Variants in DNMT1 observed in about 807,000 individuals in gnomAD.
The protein encoded by DNMT1 is DNA methyltransferase 1, also known as DNA (cytosine-5)-methyltransferase 1.
Under a neutral mutation model 205.3 loss-of-function variants are expected in DNMT1, and 24 were observed. That is an observed-to-expected ratio of 0.12 (90% CI 0.08 to 0.16). The LOEUF (loss-of-function observed/expected upper bound fraction) is 0.16, where lower values mean the gene tolerates loss of function less well. Among genes scored for constraint, DNMT1 ranks in the 10% least tolerant of loss-of-function variants. The probability of loss-of-function intolerance (pLI) is 1.00; values close to 1 mark genes in which losing one functional copy is unlikely to be tolerated. For missense variants in DNMT1, 1,293 were observed against 2,177.7 expected, an observed-to-expected ratio of 0.59 and a Z score of 8.09; for synonymous variants, 817 against 839.8, an observed-to-expected ratio of 0.97 and a Z score of 0.47.
intron 28 of DNMT1, among the ~76,000 whole-genome samples, chr19:10,145,162 T>C (rs1599353708): frequency 6.6e-6 from 1 of 152,352 alleles, no homozygotes; most frequent in South Asian, 2.1e-4. Context: ...GGAAAAGCTG[T>C]TCTTTGAAGA....
At chr19:10,160,181 C>T (rs1043133188) in intron 14 of DNMT1, 118 bp from the exon 15 acceptor site, 2 of 1,572,434 alleles carry the variant, frequency 1.3e-6, no homozygotes, top group South Asian at 2.2e-5. Flanking sequence ...CCGGCTGTGG[C>T]AGTGAGGCCC....
intron 1 of DNMT1, among the ~76,000 whole-genome samples, chr19:10,193,024 G>A (rs1351513608): frequency 2.0e-5 from 3 of 152,106 alleles, no homozygotes; most frequent in Admixed American, 2.0e-4. Context: ...TCCAGCCTGG[G>A]TGAAAGAATG....
intron 13 of DNMT1, among the ~76,000 whole-genome samples, chr19:10,162,207 C>T (rs922114215): frequency 1.9e-4 from 28 of 151,142 alleles, no homozygotes; most frequent in Non-Finnish European, 3.7e-4. Context: ...GGCACGATCT[C>T]AGCTCACAGC....
chr19:10,173,146 G>A lies in DNMT1; in HGVS notation c.712C>T (p.Pro238Ser), dbSNP rs762056108. 5 of 1,614,058 alleles carry A rather than the reference G, an allele frequency of 3.1e-6. No homozygotes were observed. The highest frequency in any genetic ancestry group is 1.3e-5 in the African/African-American group (1 of 74,972). ...RVARPLPAEE[P>S]ERAKSGTRTE... ...CGCGTTCCTGATTTTGCTCTTTCAGGTTCTTCTGCAGGAAGCGGTCTAGCA... is the reference window on the plus strand; with the variant it reads ...CGCGTTCCTGATTTTGCTCTTTCAGATTCTTCTGCAGGAAGCGGTCTAGCA... The change falls in exon 9 of 41, where the codon CCT becomes TCT. Residue 238 changes from proline (P) to serine (S), a missense_variant. By Grantham distance (74) the Pro-to-Ser change is moderately conservative (BLOSUM62 -1). Transcript: ENST00000359526.
At chr19:10,185,844 A>G (rs1298423770) in intron 1 of DNMT1, among the ~76,000 whole-genome samples, 3 of 107,122 alleles carry the variant, frequency 2.8e-5, no homozygotes, top group Non-Finnish European at 5.4e-5. Flanking sequence ...GTCTCAAAAG[A>G]AAAAAAAAAA....
At position 10,143,921 on chromosome 19, in the gene DNMT1, C is replaced by T. The variant is rs1338589250; in HGVS notation, c.2961G>A (p.Glu987=). 3 of 1,614,154 alleles carry T rather than the reference C, an allele frequency of 1.9e-6. No individual in the cohort carries two copies. Among genetic ancestry groups the T allele is most frequent in the Non-Finnish European group, 1.7e-6 (2 of 1,180,034 alleles). Residue 987 remains glutamate, a synonymous_variant, in exon 29 of 41, where the codon GAG becomes GAA. Coordinates refer to ENST00000359526, the MANE Select transcript of DNMT1 (RefSeq NM_001130823.3). ...TGTAGTCGGAGTATTTCCGGTAGTGCTCTGGGTACAGGTCCTCATCCACGG... is the reference window on the plus strand; with the variant it reads ...TGTAGTCGGAGTATTTCCGGTAGTGTTCTGGGTACAGGTCCTCATCCACGG... ...KEPVDEDLYP[E]HYRKYSDYIK...
intron 1 of DNMT1, chr19:10,184,702 A>G (rs2039143919): frequency 6.6e-6 from 1 of 152,304 alleles, no homozygotes; most frequent in Non-Finnish European, 1.5e-5. Flanking sequence ...GGAGAGGAAC[A>G]CAGGCTGTTG....
chr19:10,168,311 G>T lies in DNMT1; in HGVS notation c.803+19C>A, dbSNP rs757114141. On this transcript the variant is annotated intron_variant, in intron 10 of 40. Coordinates refer to ENST00000359526, the MANE Select transcript of DNMT1 (RefSeq NM_001130823.3). The stretch of plus-strand genomic sequence containing the variant: ...TTCAGTTTCACAACAAAGCACAAAG[G>T]CAGGTTCGCTGCACTTACGGTTCTT... 1 of 1,613,942 alleles carries T rather than the reference G, an allele frequency of 6.2e-7. No homozygotes were observed. Among genetic ancestry groups the T allele is most frequent in the Non-Finnish European group, 8.5e-7 (1 of 1,179,930 alleles).
chr19:10,165,956 C>G (rs974676500), intron 11 of DNMT1, among the ~76,000 whole-genome samples: 5 of 152,134 alleles, frequency 3.3e-5, no homozygotes, highest in African/African-American at 1.2e-4. Flanking sequence ...AGCCCGTGAC[C>G]TTGGGCTCCA....
At chr19:10,165,362 C>T (rs947170134) in intron 11 of DNMT1, among the ~76,000 whole-genome samples, 3 of 152,132 alleles carry the variant, frequency 2.0e-5, no homozygotes, top group African/African-American at 7.2e-5. Context: ...AGCCAACAAT[C>T]CTTGTTCTCT....
intron 38 of DNMT1, 90 bp downstream of exon 38, chr19:10,136,031 C>T: frequency 5.7e-6 from 9 of 1,577,836 alleles, no homozygotes; most frequent in Non-Finnish European, 7.8e-6. Flanking sequence ...GGGGTGCTGT[C>T]CCCCACTTGG....
chr19:10,158,316 C>T lies in DNMT1; in HGVS notation c.1280+1342G>A, dbSNP rs986109941. Among the ~76,000 whole-genome samples, 5 of 152,290 alleles carry T rather than the reference C, an allele frequency of 3.3e-5. No homozygotes were observed. The South Asian group carries it at 1.0e-3, about 32-fold the overall frequency. On this transcript the variant is annotated intron_variant, in intron 17 of 40. Transcript: ENST00000359526. ...GGCTAGCGGTTGCTGGTGGACGCAA[C>T]AGCATCTTGATCTAGATAGAAGGAT...
At position 10,154,941 on chromosome 19, in the gene DNMT1, G is replaced by A. The variant is rs553962731; in HGVS notation, c.1608C>T (p.Ser536=). 32 of 1,614,184 alleles carry A rather than the reference G, an allele frequency of 2.0e-5. No homozygotes were observed. Among genetic ancestry groups the A allele is most frequent in the East Asian group, 1.1e-4 (5 of 44,886 alleles). ...KIVVEFLQSN[S]DSTYEDLINK... ...TGATCAGGTCCTCATAGGTCGAGTCGGAATTGCTCTGCAGGAACTCCACCA... is the reference window on the plus strand; with the variant it reads ...TGATCAGGTCCTCATAGGTCGAGTCAGAATTGCTCTGCAGGAACTCCACCA... The change falls in exon 20 of 41, where the codon TCC becomes TCT. Residue 536 remains serine (S), a synonymous_variant. Transcript: ENST00000359526. The surrounding 1 kb of genome is among the most constrained non-coding windows in gnomAD (Gnocchi z 6.3).
intron 9 of DNMT1, among the ~76,000 whole-genome samples, chr19:10,169,172 C>G (rs548272010): frequency 1.4e-4 from 21 of 152,086 alleles, no homozygotes; most frequent in African/African-American, 4.6e-4. Flanking sequence ...GCCAGAGAAT[C>G]AGGCAAGTCA....
intron 2 of DNMT1, 80 bp from the exon 3 acceptor site, chr19:10,180,965 G>A (rs1185482159): frequency 8.8e-7 from 1 of 1,135,154 alleles, no homozygotes; most frequent in African/African-American, 1.5e-5. Flanking sequence ...TTATTGAGCT[G>A]CCTGATCACA....
chr19:10,141,077 T>C, intron 31 of DNMT1, 28 bp downstream of exon 31: 1 of 1,613,834 alleles, frequency 6.2e-7, no homozygotes, highest in Non-Finnish European at 8.5e-7. Flanking sequence ...GAAGAATAAC[T>C]TGAAAAGAAA....
At chr19:10,144,020 C>G in intron 28 of DNMT1, 33 bp from the exon 29 acceptor site, 1 of 1,608,486 alleles carries the variant, frequency 6.2e-7, no homozygotes. Context: ...CATCAATGAA[C>G]CTTCCACCTT....
At chr19:10,187,330 G>A (rs781208018) in intron 1 of DNMT1, among the ~76,000 whole-genome samples, 7 of 152,100 alleles carry the variant, frequency 4.6e-5, no homozygotes, top group African/African-American at 7.2e-5. Context: ...ATGGCTGGGC[G>A]CAGTGGCTCA....
intron 27 of DNMT1, among the ~76,000 whole-genome samples, chr19:10,147,133 A>G (rs1323621665): frequency 6.6e-6 from 1 of 152,008 alleles, no homozygotes; most frequent in African/African-American, 2.4e-5. Context: ...AGGGTGGTGC[A>G]TGCCTGCAGT....
Sources: allele counts gnomAD v4.1 joint callset (sites outside exome capture counted in the v4.1 genomes callset), GRCh38; gene constraint gnomAD v4.1.1; non-coding constraint Gnocchi (gnomAD v3.1); transcripts MANE v1.5; gene names NCBI Gene and HGNC (gene_info 2026-07-23, HGNC 2026-07-21).